NRDE2: variants seen among roughly 807,000 people sequenced by gnomAD.
The protein encoded by NRDE2 is nuclear exosome regulator NRDE2.
NRDE2 carries 76 observed loss-of-function variants against 124.2 expected under a neutral mutation model. That is an observed-to-expected ratio of 0.61 (90% CI 0.51 to 0.74). The LOEUF (loss-of-function observed/expected upper bound fraction) is 0.74. Ranked by LOEUF, NRDE2 falls within the 30% of genes least tolerant of loss-of-function variation. The pLI, the probability that NRDE2 is intolerant of heterozygous loss-of-function variation, is 0.00. For missense variants in NRDE2, 1,314 were observed against 1,417.3 expected (o/e 0.93, Z 1.17); for synonymous variants, 489 against 528.1 (o/e 0.93, Z 1.01).
At chr14:90,291,613 G>A (rs559188309) in intron 9 of NRDE2, among the ~76,000 whole-genome samples, 1 of 148,390 alleles carries the variant, frequency 6.7e-6, no homozygotes, top group African/African-American at 2.5e-5. Flanking sequence ...CGAGGCAAGA[G>A]GCCTCCCAGG....
chr14:90,310,453 C>T (rs1884786669), intron 4 of NRDE2, among the ~76,000 whole-genome samples: 1 of 151,698 alleles, frequency 6.6e-6, no homozygotes, highest in South Asian at 2.1e-4. Flanking sequence ...GACAGGCTAA[C>T]TTAAGTGAAA....
At chr14:90,329,623 G>A (rs1417909143) in intron 1 of NRDE2, among the ~76,000 whole-genome samples, 1 of 149,922 alleles carries the variant, frequency 6.7e-6, no homozygotes, top group African/African-American at 2.5e-5. Context: ...GATTATCTAA[G>A]CTCAGGAGTT....
intron 1 of NRDE2, among the ~76,000 whole-genome samples, chr14:90,327,896 C>A (rs530683698): frequency 6.6e-6 from 1 of 152,246 alleles, no homozygotes; most frequent in Admixed American, 6.5e-5. Flanking sequence ...GTAATCCCAG[C>A]ACTTTGGGAG....
Position 90,278,407 on chromosome 14 carries a change from C to CCAG in NRDE2, c.3421_3423dup (p.Leu1141dup), listed in dbSNP as rs749602262. On this transcript the variant is annotated inframe_insertion, in exon 14 of 14. Transcript: ENST00000354366. ...CGGAGCTCCTTCTCAGTCATCAGGT[C>CCAG]CAGGATCTCCTGCATCTCATCGGGG... 1.9e-6 allele frequency: 3 copies of CCAG among 1,614,040 alleles called. No individual in the cohort carries two copies.
rs747521113 is a variant in NRDE2, at chr14:90,288,575, G to C, written c.2800C>G (p.Leu934Val). ...VQIYEQVFAKLNSSVFPEGSG... is the reference protein window; with the variant it reads ...VQIYEQVFAKVNSSVFPEGSG... ...CCTTCTGGGAAAACAGAACTGTTCAGTTTTGCAAACACCTGTTCGTATATC... is the reference window on the plus strand; with the variant it reads ...CCTTCTGGGAAAACAGAACTGTTCACTTTTGCAAACACCTGTTCGTATATC... Residue 934 changes from leucine (L) to valine (V), a missense_variant, in exon 11 of 14, where the codon CTG becomes GTG. Leu to Val is a conservative substitution (Grantham distance 32). Transcript: ENST00000354366. 2 of 1,614,176 alleles carry C rather than the reference G, an allele frequency of 1.2e-6. No individual in the cohort carries two copies. Among genetic ancestry groups the C allele is most frequent in the Non-Finnish European group, 1.7e-6 (2 of 1,180,026 alleles).
chr14:90,331,903 ATGACCACAGGCCGTACC>A lies in NRDE2; in HGVS notation c.-16_1del. The A allele has an allele frequency of 6.2e-7, 1 of 1,614,136 alleles. No individual in the cohort carries two copies. Among genetic ancestry groups the A allele is most frequent in the Non-Finnish European group, 8.5e-7 (1 of 1,180,042 alleles). Reference sequence around the variant, plus strand: ...CCCCGCAAAGGCTGGGAACAGCGCCATGACCACAGGCCGTACCTCCGTTCTTCTCTATAGGGATGGCG... The same window carrying A: ...CCCCGCAAAGGCTGGGAACAGCGCCATCCGTTCTTCTCTATAGGGATGGCG... On this transcript the variant is annotated start_lost and start_retained_variant and 5_prime_UTR_variant, in exon 1 of 14. Coordinates refer to ENST00000354366, the MANE Select transcript of NRDE2 (RefSeq NM_017970.4).
intron 1 of NRDE2, 96 bp from the exon 2 acceptor site, chr14:90,318,209 C>T: frequency 4.7e-6 from 4 of 848,210 alleles, no homozygotes; most frequent in East Asian, 2.5e-5. Context: ...TCCTAATTCA[C>T]AGCCAATGCC....
intron 7 of NRDE2, among the ~76,000 whole-genome samples, chr14:90,299,554 A>G (rs756705975): frequency 6.6e-6 from 1 of 152,210 alleles, no homozygotes; most frequent in Non-Finnish European, 1.5e-5. Context: ...AAGCTTTTGT[A>G]AGAAACCTTT....
intron 12 of NRDE2, among the ~76,000 whole-genome samples, chr14:90,283,027 A>C (rs1319382511): frequency 6.6e-6 from 1 of 152,206 alleles, no homozygotes; most frequent in Non-Finnish European, 1.5e-5. Flanking sequence ...AAAAGGCACA[A>C]TCGCACAACC....
At position 90,276,376 on chromosome 14, in the gene NRDE2, G is replaced by GGCTAATTTTTTCA. The variant is rs1566678867; in HGVS notation, c.*1959_*1960insTGAAAAAATTAGC. The GGCTAATTTTTTCA allele has an allele frequency of 7.9e-5, 12 of 151,662 alleles. No individual in the cohort carries two copies. The highest frequency in any genetic ancestry group is 2.9e-4 in the African/African-American group (12 of 41,278). The allele number at this position is 151,662 out of a possible 1,614,324, so 9.4% of individuals were successfully genotyped here. A position where few individuals can be genotyped will look rare whatever the true frequency, so the allele number is the denominator to read the frequency against. ...TGGGACTACAGGCGCCAGCCACCACGCCCGGCTAATTTTTTGTATTTTTAG... is the reference window on the plus strand; with the variant it reads ...TGGGACTACAGGCGCCAGCCACCACGGCTAATTTTTTCACCCGGCTAATTTTTTGTATTTTTAG... On this transcript the variant is annotated 3_prime_UTR_variant, in exon 14 of 14. Coordinates refer to ENST00000354366, the MANE Select transcript of NRDE2 (RefSeq NM_017970.4).
chr14:90,301,328 AG>A lies in NRDE2; in HGVS notation c.1455del (p.Ser486LeufsTer22), dbSNP rs1390997306. 10 of 1,613,802 alleles carry A rather than the reference AG, an allele frequency of 6.2e-6. No individual in the cohort carries two copies. The highest frequency in any genetic ancestry group is 8.5e-6 in the Non-Finnish European group (10 of 1,179,912). On this transcript the variant is annotated frameshift_variant, in exon 7 of 14. Coordinates refer to ENST00000354366, the MANE Select transcript of NRDE2 (RefSeq NM_017970.4). LOFTEE classifies it high-confidence loss of function. ...TGGAACAATGAGATGGCCTTCTCAG[AG>A]TGGCCAGCCTGCCGCAGAAAGTGGC... is the stretch of plus-strand genomic sequence containing the variant. ...QQCHFLRQAG[H>X]SEKAISLFQA...
intron 4 of NRDE2, among the ~76,000 whole-genome samples, chr14:90,308,533 G>GA (rs1461457449): frequency 1.3e-5 from 2 of 151,280 alleles, no homozygotes; most frequent in African/African-American, 4.9e-5. Flanking sequence ...TGGGAGGGAG[G>GA]AAAAAAAGAA....
chr14:90,312,774 C>G (rs1884893328), intron 3 of NRDE2, among the ~76,000 whole-genome samples: 1 of 152,126 alleles, frequency 6.6e-6, no homozygotes, highest in South Asian at 2.1e-4. Context: ...GACACTCTAC[C>G]AACAAAAGAA....
chr14:90,279,168 G>C lies in NRDE2; in HGVS notation c.3298-35C>G, dbSNP rs748434990. 3.3e-6 allele frequency: 5 copies of C among 1,518,382 alleles called. No homozygotes were observed. In the East Asian group the frequency reaches 1.1e-4, roughly 34 times the overall value. The allele number at this position is 1,518,382 out of a possible 1,614,324, so 94.1% of individuals were successfully genotyped here. On this transcript the variant is annotated intron_variant, in intron 12 of 13. Coordinates refer to ENST00000354366, the MANE Select transcript of NRDE2 (RefSeq NM_017970.4). ...GGGGGAGAAAATACAAACATGATTA[G>C]TTGACACAGAGAGGCTAAGGCTACA...
intron 3 of NRDE2, among the ~76,000 whole-genome samples, chr14:90,315,393 G>T (rs1885008327): frequency 6.6e-6 from 1 of 151,886 alleles, no homozygotes; most frequent in Non-Finnish European, 1.5e-5. Flanking sequence ...AAAAATTCCT[G>T]AAGAGTTGCA....
At chr14:90,298,171 A>C in intron 8 of NRDE2, 89 bp downstream of exon 8, 1 of 1,379,560 alleles carries the variant, frequency 7.2e-7, no homozygotes, top group Non-Finnish European at 1.0e-6. Flanking sequence ...GCTACTGATA[A>C]ATAGCTTAAG....
At chr14:90,284,323 G>T (rs1326583281) in intron 12 of NRDE2, among the ~76,000 whole-genome samples, 5 of 151,674 alleles carry the variant, frequency 3.3e-5, no homozygotes, top group Non-Finnish European at 7.4e-5. Flanking sequence ...AGATTTATGA[G>T]TAAGGAGGTC....
chr14:90,301,244 C>T lies in NRDE2; in HGVS notation c.1540G>A (p.Gly514Arg). The T allele has an allele frequency of 6.2e-7, 1 of 1,613,530 alleles. No homozygotes were observed. The highest frequency in any genetic ancestry group is 8.5e-7 in the Non-Finnish European group (1 of 1,179,686). The change falls in exon 7 of 14, where the codon GGA becomes AGA. Residue 514 changes from glycine (G) to arginine (R), a missense_variant. Coordinates refer to ENST00000354366, the MANE Select transcript of NRDE2 (RefSeq NM_017970.4). Reference protein sequence around the residue: ...PDSVKDLPTKGQVEFFEPFWD... With the variant: ...PDSVKDLPTKRQVEFFEPFWD... ...AGGCGAGCAGAGCTGGGTACCTGTC[C>T]TTTGGTAGGCAGATCTTTCACGCTG...
At chr14:90,312,311 G>C in intron 4 of NRDE2, 83 bp downstream of exon 4, 1 of 1,294,962 alleles carries the variant, frequency 7.7e-7, no homozygotes, top group Non-Finnish European at 1.1e-6. Context: ...AGAGAAACAG[G>C]CAGGCAGACA....
Sources: gnomAD v4.1 joint callset for allele counts (sites outside exome capture counted in the v4.1 genomes callset) on GRCh38, gnomAD v4.1.1 for gene constraint, MANE v1.5 for transcripts, NCBI Gene and HGNC (gene_info 2026-07-23, HGNC 2026-07-21) for gene names.